The following POLQ variants were observed in gnomAD, a reference collection of about 807,000 sequenced individuals.
POLQ encodes DNA polymerase theta, also known as epididymis secretory sperm binding protein.
POLQ carries 233 observed loss-of-function variants against 259.2 expected under a neutral mutation model. That is an observed-to-expected ratio of 0.90 (90% CI 0.81 to 1.00). The LOEUF (loss-of-function observed/expected upper bound fraction) is 1.00, where lower values mean the gene tolerates loss of function less well. Ranked by LOEUF, POLQ falls within the 50% of genes least tolerant of loss-of-function variation. POLQ has a pLI of 0.00. For synonymous variants in POLQ, 1,025 were observed against 1,048.8 expected (o/e 0.98, Z 0.44); for missense variants, 2,871 against 3,051.6 (o/e 0.94, Z 1.39).
intron 25 of POLQ, among the ~76,000 whole-genome samples, chr3:121,452,677 G>T (rs1050798674): frequency 6.6e-6 from 1 of 152,098 alleles, no homozygotes; most frequent in African/African-American, 2.4e-5. Flanking sequence ...TGGATAGGAA[G>T]TCGGGTGCCC....
chr3:121,472,271 T>C, intron 21 of POLQ, 107 bp from the exon 22 acceptor site: 1 of 506,048 alleles, frequency 2.0e-6, no homozygotes, highest in Non-Finnish European at 3.4e-6. Context: ...TTGAGAGTAA[T>C]ATCGACAACT....
In POLQ at chr3:121,436,256, T is replaced by C. The variant is rs370139470; in HGVS notation, c.7409A>G (p.Asn2470Ser). 2 of 1,613,786 alleles carry C rather than the reference T, an allele frequency of 1.2e-6. No individual in the cohort carries two copies. Among genetic ancestry groups the C allele is most frequent in the Non-Finnish European group, 1.7e-6 (2 of 1,179,838 alleles). ...RKAHAERQAI[N>S]TIVQGSAADI... ...AGCTGCTGATCCTTGGACTATTGTGTTGATAGCTTGACGCTCAGCCTAGAA... is the reference window on the plus strand; with the variant it reads ...AGCTGCTGATCCTTGGACTATTGTGCTGATAGCTTGACGCTCAGCCTAGAA... Residue 2470 changes from asparagine to serine, a missense_variant, in exon 28 of 30, where the codon AAC becomes AGC. Physicochemically the swap from Asn to Ser is conservative, Grantham distance 46 (BLOSUM62 1). Transcript: ENST00000264233.
In POLQ at chr3:121,490,241, T is replaced by C; in HGVS notation, c.2690A>G (p.Gln897Arg). The change falls in exon 16 of 30, where the codon CAA (glutamine) becomes CGA (arginine). Residue 897 changes from glutamine (Q) to arginine (R), a missense_variant. Gln to Arg is a conservative substitution (Grantham distance 43, BLOSUM62 1). Around this residue, in one of 3 missense-constraint regions of POLQ, gnomAD observed 2,080 missense variants for 2,126.0 expected, o/e 0.98. Transcript: ENST00000264233. The part of the protein sequence containing the change: ...LQQDLVEMGV[Q>R]WNPCALLHSS... The stretch of plus-strand genomic sequence containing the variant: ...ATGTAACAGGGCACATGGATTCCAT[T>C]GCACTCCCATTTCAACTAAGTCCTG... The C allele has an allele frequency of 1.9e-6, 3 of 1,614,220 alleles. No individual in the cohort carries two copies. The highest frequency in any genetic ancestry group is 2.5e-6 in the Non-Finnish European group (3 of 1,180,020).
chr3:121,538,283 T>G (rs1274840241), intron 4 of POLQ, among the ~76,000 whole-genome samples: 1 of 152,118 alleles, frequency 6.6e-6, no homozygotes, highest in Non-Finnish European at 1.5e-5. Context: ...ACAATGTCCT[T>G]CACTACTTGG....
At chr3:121,469,997 G>A (rs2047870468) in intron 22 of POLQ, among the ~76,000 whole-genome samples, 1 of 152,132 alleles carries the variant, frequency 6.6e-6, no homozygotes, top group Non-Finnish European at 1.5e-5. Flanking sequence ...ACAAATAAAT[G>A]TGCAACACCA....
Position 121,440,084 on chromosome 3 carries a change from T to A in POLQ, c.7297A>T (p.Asn2433Tyr). 1 of 1,607,684 alleles carries A rather than the reference T, an allele frequency of 6.2e-7. No homozygotes were observed. Among genetic ancestry groups the A allele is most frequent in the South Asian group, 1.1e-5 (1 of 90,948 alleles). The change falls in exon 27 of 30, where the codon AAT becomes TAT. Residue 2433 changes from asparagine to tyrosine, a missense_variant. By Grantham distance (143) the Asn-to-Tyr change is moderately radical. Transcript: ENST00000264233. ...INQFMTETVK[N>Y]CKRDGFVQTI... is the part of the protein sequence containing the mutation. Reference sequence around the variant, plus strand: ...TGAACAAATCCGTCTCTTTTACAATTCTTCACTGTCTCTGTCATGAATTGA... The same window carrying A: ...TGAACAAATCCGTCTCTTTTACAATACTTCACTGTCTCTGTCATGAATTGA...
intron 15 of POLQ, among the ~76,000 whole-genome samples, chr3:121,491,557 C>A (rs569144854): frequency 2.0e-4 from 31 of 152,096 alleles, no homozygotes; most frequent in African/African-American, 7.2e-4. Context: ...CCAGTCAGCA[C>A]CCTGTAGGTT....
intron 12 of POLQ, among the ~76,000 whole-genome samples, chr3:121,508,906 T>C (rs1374935412): frequency 6.6e-6 from 1 of 152,180 alleles, no homozygotes; most frequent in Non-Finnish European, 1.5e-5. Context: ...TTAAACACTA[T>C]CCAATTCTTA....
intron 2 of POLQ, among the ~76,000 whole-genome samples, chr3:121,542,526 C>T (rs2048497917): frequency 6.6e-6 from 1 of 151,972 alleles, no homozygotes; most frequent in Non-Finnish European, 1.5e-5. Context: ...ATAAAGTACC[C>T]CAGGGGTATA....
At chr3:121,508,016 A>ATTTTTTTTTTTTTTTTTTTTTTTTTTT (rs4048669) in intron 12 of POLQ, among the ~76,000 whole-genome samples, 3 of 129,648 alleles carry the variant, frequency 2.3e-5, no homozygotes, top group Non-Finnish European at 1.6e-5. Context: ...ACCATACACA[A>ATTTTTTTTTTTTTTTTTTTTTTTTTTT]TTTTTTTTTT....
intron 14 of POLQ, chr3:121,494,541 C>T: frequency 6.3e-7 from 1 of 1,581,750 alleles, no homozygotes; most frequent in East Asian, 2.2e-5. Flanking sequence ...ACCGTCACCA[C>T]CTTGGTGGAG....
In POLQ at chr3:121,481,610, T is replaced by C. The variant is rs369549621; in HGVS notation, c.6173A>G (p.Asn2058Ser). The change falls in exon 19 of 30, where the codon AAT becomes AGT. Residue 2058 changes from asparagine (N) to serine (S), a missense_variant. Around this residue, in one of 3 missense-constraint regions of POLQ, gnomAD observed 2,080 missense variants for 2,126.0 expected, o/e 0.98. Transcript: ENST00000264233. ...CTTCTGCAACAAAGAGTTGAGCTGATTCATAGAGTTGAAGATGAGAATGGA... is the reference window on the plus strand; with the variant it reads ...CTTCTGCAACAAAGAGTTGAGCTGACTCATAGAGTTGAAGATGAGAATGGA... Reference protein sequence around the residue: ...VESILIFNSMNQLNSLLQKEN... With the variant: ...VESILIFNSMSQLNSLLQKEN... 3 of 1,612,650 alleles carry C rather than the reference T, an allele frequency of 1.9e-6. No individual in the cohort carries two copies.
intron 4 of POLQ, among the ~76,000 whole-genome samples, chr3:121,538,143 CAT>C (rs1263619880): frequency 6.6e-6 from 1 of 151,962 alleles, no homozygotes; most frequent in African/African-American, 2.4e-5. Flanking sequence ...AGTGGGAAAA[CAT>C]ACATACTCAT....
chr3:121,540,530 T>C (rs2048482722), intron 3 of POLQ, among the ~76,000 whole-genome samples: 1 of 152,234 alleles, frequency 6.6e-6, no homozygotes, highest in Non-Finnish European at 1.5e-5. Context: ...GAGCATCATA[T>C]TGATGTAAAC....
chr3:121,492,572 T>A (rs2048077373), intron 15 of POLQ, among the ~76,000 whole-genome samples: 1 of 151,368 alleles, frequency 6.6e-6, no homozygotes, highest in Non-Finnish European at 1.5e-5. Context: ...TCAAAATCCA[T>A]CAAAGCAGAT....
At chr3:121,478,828 C>A (rs999395153) in intron 19 of POLQ, among the ~76,000 whole-genome samples, 1 of 152,124 alleles carries the variant, frequency 6.6e-6, no homozygotes, top group Non-Finnish European at 1.5e-5. Context: ...GAAGACAAAT[C>A]ATTTTTAAAC....
rs746375307 is a variant in POLQ at position 121,529,736 on chromosome 3, T to C, written c.1017A>G (p.Ser339=). ...TCTTTGATGGACAAAAAAGTAATACTGAATGGTTATCACAAATCGTCTCAT... is the reference window on the plus strand; with the variant it reads ...TCTTTGATGGACAAAAAAGTAATACCGAATGGTTATCACAAATCGTCTCAT... ...LCYETICDNH[S]VLLFCPSKKW... The change falls in exon 7 of 30, where the codon TCA becomes TCG. Residue 339 remains serine (S), a synonymous_variant. Transcript: ENST00000264233. 3.1e-6 allele frequency: 5 copies of C among 1,612,030 alleles called. No homozygotes were observed. The highest frequency in any genetic ancestry group is 4.5e-5 in the East Asian group (2 of 44,832).
chr3:121,438,991 A>G (rs2047566142), intron 27 of POLQ, among the ~76,000 whole-genome samples: 1 of 152,186 alleles, frequency 6.6e-6, no homozygotes, highest in African/African-American at 2.4e-5. Context: ...ATGTCTAATG[A>G]GCACTAAAAC....
At chr3:121,467,398 TAGAC>T (rs2047847180) in intron 24 of POLQ, 117 bp downstream of exon 24, 1 of 933,452 alleles carries the variant, frequency 1.1e-6, no homozygotes, top group African/African-American at 1.6e-5. Context: ...GGCTCCACCG[TAGAC>T]AGAAAGATGG....
Sources: gnomAD v4.1 joint callset for allele counts (sites outside exome capture counted in the v4.1 genomes callset) on GRCh38, gnomAD v4.1.1 for gene constraint, gnomAD v4.1.1 regional missense constraint, MANE v1.5 for transcripts, NCBI Gene and HGNC (gene_info 2026-07-23, HGNC 2026-07-21) for gene names.